Variants in MRC2 observed in about 807,000 individuals in gnomAD.
The protein encoded by MRC2 is C-type mannose receptor 2.
MRC2 carries 84 observed loss-of-function variants against 206.2 expected under a neutral mutation model. The observed-to-expected ratio is 0.41, with a 90% CI of 0.34 to 0.49. The LOEUF (loss-of-function observed/expected upper bound fraction) is 0.49. MRC2 is among the 20% of genes least tolerant of loss of function. The pLI is 0.31. For missense variants in MRC2, 1,676 were observed against 2,001.5 expected (o/e 0.84, Z 3.10); for synonymous variants, 798 against 800.0 (o/e 1.00, Z 0.04).
intron 13 of MRC2, 137 bp from the exon 14 acceptor site, chr17:62,679,663 A>T: frequency 2.9e-6 from 2 of 688,348 alleles, no homozygotes; most frequent in Non-Finnish European, 4.9e-6. Flanking sequence ...TCGATGGGTC[A>T]ATGTGAAGCC....
intron 23 of MRC2, among the ~76,000 whole-genome samples, chr17:62,689,209 G>T (rs1568072278): frequency 6.6e-6 from 1 of 152,196 alleles, no homozygotes; most frequent in Non-Finnish European, 1.5e-5. Flanking sequence ...GCTGCATGAA[G>T]TGCTGGCACG....
Position 62,650,551 on chromosome 17 carries a change from T to C in MRC2, c.119-13997T>C, listed in dbSNP as rs999800020. Reference sequence around the variant, plus strand: ...GCTCTGGAATAAGTCTGCCTGGCCATCCTTCCCAGCTCTTCCCCTTATTAA... The same window carrying C: ...GCTCTGGAATAAGTCTGCCTGGCCACCCTTCCCAGCTCTTCCCCTTATTAA... On this transcript the variant is annotated intron_variant, in intron 1 of 29. Transcript: ENST00000303375. Among the ~76,000 whole-genome samples the C allele has an allele frequency of 4.6e-5, 7 of 152,368 alleles. No individual in the cohort carries two copies. The South Asian group carries it at 1.0e-3, about 23-fold the overall frequency.
chr17:62,663,584 G>A (rs911357372), intron 1 of MRC2, among the ~76,000 whole-genome samples: 1 of 152,148 alleles, frequency 6.6e-6, no homozygotes, highest in Non-Finnish European at 1.5e-5. Context: ...GTGGTGGGGG[G>A]CAGGTTGGAT....
At chr17:62,654,067 A>G (rs2088589365) in intron 1 of MRC2, among the ~76,000 whole-genome samples, 1 of 152,130 alleles carries the variant, frequency 6.6e-6, no homozygotes, top group African/African-American at 2.4e-5. Flanking sequence ...CAGCTCATTG[A>G]AAACAGCTGC....
Position 62,679,870 on chromosome 17 carries a change from G to C in MRC2, c.2266G>C (p.Gly756Arg). The change falls in exon 14 of 30, where the codon GGT becomes CGT. Residue 756 changes from glycine (G) to arginine (R), a missense_variant. Physicochemically the swap from Gly to Arg is moderately radical, Grantham distance 125. Coordinates refer to ENST00000303375, the MANE Select transcript of MRC2 (RefSeq NM_006039.5). ...IGLNRRDPRG[G>R]QSWRWSDGVG... is the part of the protein sequence containing the mutation. ...CCTGAACCGTCGGGATCCCAGAGGGGGTCAGAGTTGGCGCTGGAGCGACGG... is the reference window on the plus strand; with the variant it reads ...CCTGAACCGTCGGGATCCCAGAGGGCGTCAGAGTTGGCGCTGGAGCGACGG... The C allele has an allele frequency of 1.9e-6, 3 of 1,613,820 alleles. No individual in the cohort carries two copies. The highest frequency in any genetic ancestry group is 2.5e-6 in the Non-Finnish European group (3 of 1,179,996).
rs147623348 is a variant in MRC2, at chr17:62,681,215, C to T, written c.2702+86C>T. 6,060 of 1,472,146 alleles carry T rather than the reference C, an allele frequency of 4.1e-3. 120 individuals carry two copies. In the East Asian group the frequency reaches 0.041, roughly 10 times the overall value. The allele number at this position is 1,472,146 out of a possible 1,614,324, so 91.2% of individuals were successfully genotyped here. A position where few individuals can be genotyped will look rare whatever the true frequency, so the allele number is the denominator to read the frequency against. On this transcript the variant is annotated intron_variant, in intron 18 of 29. Transcript: ENST00000303375. ...GAGGCAGACTTGCATTTGAATCCAG[C>T]CCTGCCCCTTCCTTGCTGGCTGTGT...
intron 1 of MRC2, among the ~76,000 whole-genome samples, chr17:62,646,024 T>TA (rs71155945): frequency 2.3e-5 from 2 of 87,436 alleles, no homozygotes; most frequent in Non-Finnish European, 4.4e-5. Flanking sequence ...TCCTTTTCTA[T>TA]TTTTTTTTTT....
At position 62,675,854 on chromosome 17, in the gene MRC2, C is replaced by A. The variant is rs1247210666; in HGVS notation, c.1634C>A (p.Ala545Asp). ...LGEDQVTYSE[A>D]RRLCTDHGSQ... is the part of the protein sequence containing the mutation. ...GAAGACCAAGTGACCTACAGTGAGG[C>A]CCGGCGCCTGTGCACTGACCATGGC... is the stretch of plus-strand genomic sequence containing the variant. Residue 545 changes from alanine to aspartate, a missense_variant, in exon 10 of 30, where the codon GCC (alanine) becomes GAC (aspartate). Ala to Asp is a moderately radical substitution (Grantham distance 126). This residue lies in a region of MRC2 where 1,354 missense variants were observed against 1,636.6 expected (regional missense o/e 0.83). Transcript: ENST00000303375. The surrounding 1 kb of genome is among the most constrained non-coding windows in gnomAD (Gnocchi z 4.1). 1 of 1,614,136 alleles carries A rather than the reference C, an allele frequency of 6.2e-7. No individual in the cohort carries two copies. The highest frequency in any genetic ancestry group is 8.5e-7 in the Non-Finnish European group (1 of 1,180,006).
chr17:62,629,441 C>T (rs1188627445), intron 1 of MRC2, among the ~76,000 whole-genome samples: 1 of 152,234 alleles, frequency 6.6e-6, no homozygotes, highest in Non-Finnish European at 1.5e-5. Context: ...CTCCTGGTCT[C>T]TGTGCCTGGC....
At chr17:62,679,320 C>T (rs1458292644) in intron 13 of MRC2, 1 of 158,896 alleles carries the variant, frequency 6.3e-6, no homozygotes, top group Non-Finnish European at 1.4e-5. Flanking sequence ...ATATAGTCCT[C>T]ACTCAAGCCT....
Position 62,689,564 on chromosome 17 carries a change from C to T in MRC2, c.3377C>T (p.Pro1126Leu), listed in dbSNP as rs781184222. The change falls in exon 24 of 30, where the codon CCG becomes CTG. Residue 1126 changes from proline (P) to leucine (L), a missense_variant. Around this residue, in one of 3 missense-constraint regions of MRC2, gnomAD observed 1,354 missense variants for 1,636.6 expected, o/e 0.83. Coordinates refer to ENST00000303375, the MANE Select transcript of MRC2 (RefSeq NM_006039.5). ...TCCCCAGCAGCGCTGCCCCCCGCCC[C>T]GGGCACTGAGCTCTCCTACCTCAAC... ...SPSPAALPPA[P>L]GTELSYLNGT... is the part of the protein sequence containing the mutation. The T allele has an allele frequency of 6.5e-5, 104 of 1,598,504 alleles. No homozygotes were observed. The highest frequency in any genetic ancestry group is 8.2e-5 in the Non-Finnish European group (96 of 1,172,372).
intron 1 of MRC2, among the ~76,000 whole-genome samples, chr17:62,646,226 G>A (rs556169084): frequency 1.4e-3 from 219 of 151,828 alleles, no homozygotes; most frequent in African/African-American, 5.0e-3. Context: ...GGGTTTCACC[G>A]TGTTGGCCAG....
intron 8 of MRC2, among the ~76,000 whole-genome samples, chr17:62,673,470 T>C (rs1316769897): frequency 6.6e-6 from 1 of 151,712 alleles, no homozygotes; most frequent in African/African-American, 2.4e-5. Context: ...TTGATATTTA[T>C]AAAACGAGTT....
At chr17:62,687,126 CCT>C (rs1004444330) in intron 20 of MRC2, among the ~76,000 whole-genome samples, 11 of 151,366 alleles carry the variant, frequency 7.3e-5, no homozygotes, top group Non-Finnish European at 1.3e-4. Context: ...GAATCCCACC[CCT>C]GTCTTTATGA....
At chr17:62,690,331 C>A in intron 26 of MRC2, 26 bp downstream of exon 26, 2 of 1,584,496 alleles carry the variant, frequency 1.3e-6, no homozygotes, top group Non-Finnish European at 1.7e-6. Flanking sequence ...AGAGCCCACA[C>A]ATGGCGGGCA....
intron 12 of MRC2, among the ~76,000 whole-genome samples, chr17:62,678,112 C>T (rs2088917314): frequency 6.6e-6 from 1 of 152,200 alleles, no homozygotes; most frequent in Admixed American, 6.5e-5. Flanking sequence ...GATTTAGATT[C>T]ATTAGGTCTG....
rs935132300 is a variant in MRC2 at position 62,675,917 on chromosome 17, G to A, written c.1685+12G>A. 2 of 1,611,974 alleles carry A rather than the reference G, an allele frequency of 1.2e-6. No homozygotes were observed. Among genetic ancestry groups the A allele is most frequent in the Non-Finnish European group, 1.7e-6 (2 of 1,178,188 alleles). ...ACCATCACCAACAGGTACAGCAGGG[G>A]CGGGTGCCCTGACTAGCCCTTGCCC... On this transcript the variant is annotated intron_variant, in intron 10 of 29. Coordinates refer to ENST00000303375, the MANE Select transcript of MRC2 (RefSeq NM_006039.5). The surrounding 1 kb of genome is among the most constrained non-coding windows in gnomAD (Gnocchi z 4.1).
At position 62,675,694 on chromosome 17, in the gene MRC2, A is replaced by G. The variant is rs1242084873; in HGVS notation, c.1570-96A>G. ...CCCTCCGTCCTGAGCACGTTCAGTG[A>G]TGTCCCTGATGGCATCTCCCACCAC... On this transcript the variant is annotated intron_variant, in intron 9 of 29. Transcript: ENST00000303375. This position sits in a 1 kb window ranked among gnomAD's most constrained non-coding sequence, Gnocchi z 4.1. 2 of 946,358 alleles carry G rather than the reference A, an allele frequency of 2.1e-6. No homozygotes were observed. The allele number at this position is 946,358 out of a possible 1,614,324, so 58.6% of individuals were successfully genotyped here.
intron 8 of MRC2, among the ~76,000 whole-genome samples, chr17:62,673,475 C>T (rs1046649185): frequency 1.3e-5 from 2 of 150,482 alleles, no homozygotes; most frequent in African/African-American, 2.4e-5. Flanking sequence ...ATTTATAAAA[C>T]GAGTTATCAA....
Sources: allele counts gnomAD v4.1 joint callset (sites outside exome capture counted in the v4.1 genomes callset), GRCh38; gene constraint gnomAD v4.1.1; regional missense constraint gnomAD v4.1.1; non-coding constraint Gnocchi (gnomAD v3.1); transcripts MANE v1.5; gene names NCBI Gene and HGNC (gene_info 2026-07-23, HGNC 2026-07-21).